The following LRP4 variants were observed in gnomAD, a reference collection of about 807,000 sequenced individuals.
LRP4 encodes the protein LDL receptor related protein 4.
In LRP4, 95 loss-of-function variants were observed where a neutral mutation model predicts 220.3. The observed-to-expected ratio is 0.43, with a 90% CI of 0.37 to 0.51. The LOEUF (loss-of-function observed/expected upper bound fraction) is 0.51, where lower values mean the gene tolerates loss of function less well. LRP4 is among the 20% of genes least tolerant of loss of function. LRP4 has a pLI of 0.00. For synonymous variants in LRP4, 903 were observed against 954.6 expected, an observed-to-expected ratio of 0.95 and a Z score of 1.00; for missense variants, 1,925 against 2,567.0, an observed-to-expected ratio of 0.75 and a Z score of 5.40.
intron 31 of LRP4, among the ~76,000 whole-genome samples, chr11:46,870,105 CAAA>C: frequency 7.5e-6 from 1 of 133,302 alleles, no homozygotes; most frequent in African/African-American, 2.8e-5. Flanking sequence ...GACTCCATCT[CAAA>C]AAAAAAAAAA....
chr11:46,909,377 C>G (rs534751461), intron 1 of LRP4, among the ~76,000 whole-genome samples: 1 of 143,812 alleles, frequency 7.0e-6, no homozygotes, highest in Admixed American at 7.1e-5. Context: ...GAGGCCGAGG[C>G]GGGTGGATCA....
intron 35 of LRP4, 48 bp from the exon 36 acceptor site, chr11:46,864,583 A>G (rs1198910807): frequency 7.9e-7 from 1 of 1,258,442 alleles, no homozygotes; most frequent in East Asian, 2.3e-5. Context: ...ACAACTTTCT[A>G]GCGGTGCTGG....
Position 46,873,483 on chromosome 11 carries a change from G to T in LRP4, c.4340C>A (p.Thr1447Lys). ...GGACGCCTCAATGGTATTTCGACCT[G>T]TGTCTGTCCAGTACAGGTTCCTGGC... ...WVARNLYWTDTGRNTIEASRL... is the reference protein window; with the variant it reads ...WVARNLYWTDKGRNTIEASRL... The change falls in exon 29 of 38, where the codon ACA (threonine) becomes AAA (lysine). Residue 1447 changes from threonine to lysine, a missense_variant. Physicochemically the swap from Thr to Lys is moderately conservative, Grantham distance 78. Coordinates refer to ENST00000378623, the MANE Select transcript of LRP4 (RefSeq NM_002334.4). This position sits in a 1 kb window ranked among gnomAD's most constrained non-coding sequence, Gnocchi z 4.2. 6.2e-7 allele frequency: 1 copy of T among 1,614,220 alleles called. No individual in the cohort carries two copies. Among genetic ancestry groups the T allele is most frequent in the Non-Finnish European group, 8.5e-7 (1 of 1,180,034 alleles).
chr11:46,884,352 C>T (rs1941231478), intron 18 of LRP4, among the ~76,000 whole-genome samples: 1 of 152,086 alleles, frequency 6.6e-6, no homozygotes, highest in African/African-American at 2.4e-5. Context: ...GCCTGTAATC[C>T]CAGCACTTTG....
chr11:46,881,641 G>A (rs1941161946), intron 20 of LRP4, 61 bp downstream of exon 20: 4 of 1,528,446 alleles, frequency 2.6e-6, no homozygotes, highest in Non-Finnish European at 3.6e-6. Context: ...CCTGGAGGCT[G>A]TCAAGGCTGT....
rs879721 is a variant in LRP4, at chr11:46,896,978, C to A, written c.813G>T (p.Thr271=). 1.2e-6 allele frequency: 2 copies of A among 1,613,972 alleles called. No homozygotes were observed. Among genetic ancestry groups the A allele is most frequent in the Admixed American group, 1.7e-5 (1 of 59,990 alleles). Reference sequence around the variant, plus strand: ...CTGAGTGACAGCGGAACTGTTCTGCCGTACACATGGAGGTGGCTGGGCAAA... The same window carrying A: ...CTGAGTGACAGCGGAACTGTTCTGCAGTACACATGGAGGTGGCTGGGCAAA... The part of the protein sequence containing the change: ...DERNCTTSMC[T]AEQFRCHSGR... Residue 271 remains threonine, a synonymous_variant, in exon 8 of 38, where the codon ACG becomes ACT. Transcript: ENST00000378623.
chr11:46,878,995 C>T lies in LRP4; in HGVS notation c.3048G>A (p.Leu1016=). Residue 1016 remains leucine, a synonymous_variant, in exon 22 of 38, where the codon CTG becomes CTA. Coordinates refer to ENST00000378623, the MANE Select transcript of LRP4 (RefSeq NM_002334.4). ...CAMENGGCSH[L]CLRSPNPSGF... is the part of the protein sequence containing the mutation. ...CGCTTGGATTTGGGGACCTAAGACA[C>T]AGGTGGCTACAGCCGCCATTCTCCA... The T allele has an allele frequency of 1.2e-6, 2 of 1,614,222 alleles. No homozygotes were observed. Among genetic ancestry groups the T allele is most frequent in the Non-Finnish European group, 1.7e-6 (2 of 1,180,040 alleles).
intron 1 of LRP4, among the ~76,000 whole-genome samples, chr11:46,905,281 C>G (rs1442707105): frequency 6.6e-6 from 1 of 152,202 alleles, no homozygotes; most frequent in Admixed American, 6.5e-5. Flanking sequence ...GTATGACAGG[C>G]TCAGCACAGC....
chr11:46,895,471 C>T (rs1941507586), intron 10 of LRP4, among the ~76,000 whole-genome samples, 180 bp from the exon 11 acceptor site: 1 of 152,136 alleles, frequency 6.6e-6, no homozygotes, highest in South Asian at 2.1e-4. Context: ...GTCCCAGCTA[C>T]TCAAGAGGCT....
At chr11:46,884,588 T>C (rs531272880) in intron 18 of LRP4, among the ~76,000 whole-genome samples, 2 of 151,816 alleles carry the variant, frequency 1.3e-5, no homozygotes, top group East Asian at 1.9e-4. Context: ...ATACAAAAAA[T>C]TAGCCAGGCG....
Position 46,871,573 on chromosome 11 carries a change from C to T in LRP4, c.4644G>A (p.Leu1548=). 6.2e-7 allele frequency: 1 copy of T among 1,613,564 alleles called. No homozygotes were observed. Residue 1548 remains leucine (L), a synonymous_variant, in exon 31 of 38, where the codon CTG becomes CTA. Coordinates refer to ENST00000378623, the MANE Select transcript of LRP4 (RefSeq NM_002334.4). Reference sequence around the variant, plus strand: ...ACACATGGCTGACCAAGACCTGCCGCAGTTTCCCATTGAGGTCAGCACTCT... The same window carrying T: ...ACACATGGCTGACCAAGACCTGCCGTAGTTTCCCATTGAGGTCAGCACTCT... ...RIESADLNGK[L]RQVLVSHVSH...
At position 46,896,015 on chromosome 11, in the gene LRP4, G is replaced by T; in HGVS notation, c.1052C>A (p.Pro351His). Residue 351 changes from proline to histidine, a missense_variant, in exon 10 of 38, where the codon CCC (proline) becomes CAC (histidine). By Grantham distance (77) the Pro-to-His change is moderately conservative (BLOSUM62 -2). Coordinates refer to ENST00000378623, the MANE Select transcript of LRP4 (RefSeq NM_002334.4). ...SDESPQQNCR[P>H]RTGEENCNVN... Reference sequence around the variant, plus strand: ...ATTGCAGTTCTCCTCACCCGTCCGGGGCCCTGTGCCAGCCAAGCCAGAGTT... The same window carrying T: ...ATTGCAGTTCTCCTCACCCGTCCGGTGCCCTGTGCCAGCCAAGCCAGAGTT... 1.2e-6 allele frequency: 2 copies of T among 1,614,046 alleles called. No individual in the cohort carries two copies. The highest frequency in any genetic ancestry group is 2.2e-5 in the South Asian group (2 of 91,082).
intron 8 of LRP4, 103 bp downstream of exon 8, chr11:46,896,766 G>T: frequency 1.3e-6 from 2 of 1,563,034 alleles, no homozygotes; most frequent in Admixed American, 1.7e-5. Context: ...ATTTTACACT[G>T]GTAAAACCTC....
chr11:46,904,166 T>C (rs114325141), intron 1 of LRP4, among the ~76,000 whole-genome samples: 92 of 152,286 alleles, frequency 6.0e-4, no homozygotes, highest in African/African-American at 2.1e-3. Context: ...CCCCCTTCCT[T>C]TCTTCTCCTC....
chr11:46,896,747 T>C (rs1941540708), intron 8 of LRP4, 122 bp downstream of exon 8: 1 of 1,446,650 alleles, frequency 6.9e-7, no homozygotes, highest in South Asian at 1.2e-5. Context: ...AGGTCAATGA[T>C]GCACCTGGAT....
At chr11:46,865,760 T>A (rs898067262) in intron 34 of LRP4, among the ~76,000 whole-genome samples, 4 of 152,148 alleles carry the variant, frequency 2.6e-5, no homozygotes, top group Non-Finnish European at 4.4e-5. Flanking sequence ...GCAAGAGCAT[T>A]TGGAACCAAG....
At chr11:46,872,916 T>C (rs1033500928) in intron 30 of LRP4, among the ~76,000 whole-genome samples, 184 bp downstream of exon 30, 6 of 152,212 alleles carry the variant, frequency 3.9e-5, no homozygotes, top group African/African-American at 1.2e-4. Context: ...AAAACCCACA[T>C]AAGGGTTGAG....
rs769530961 is a variant in LRP4 at position 46,898,556 on chromosome 11, A to G, written c.796+2T>C. The G allele has an allele frequency of 6.2e-7, 1 of 1,614,062 alleles. No homozygotes were observed. The highest frequency in any genetic ancestry group is 1.7e-5 in the Admixed American group (1 of 60,016). On this transcript the variant is annotated splice_donor_variant, in intron 7 of 37. Transcript: ENST00000378623. LOFTEE classifies it high-confidence loss of function. ...CCAACCTAATTCCATTTCCCCACTC[A>G]CTGCAGTTGCGCTCATCAGACTGGT...
intron 31 of LRP4, 65 bp downstream of exon 31, chr11:46,871,460 G>A (rs758061915): frequency 8.9e-7 from 1 of 1,129,028 alleles, no homozygotes; most frequent in African/African-American, 1.5e-5. Context: ...TGAGACTGCT[G>A]ACTTAGAACC....
Sources: gnomAD v4.1 joint callset for allele counts (sites outside exome capture counted in the v4.1 genomes callset) on GRCh38, gnomAD v4.1.1 for gene constraint, Gnocchi (gnomAD v3.1) non-coding constraint, MANE v1.5 for transcripts, NCBI Gene and HGNC (gene_info 2026-07-23, HGNC 2026-07-21) for gene names.